The following ATRNL1 variants were observed in gnomAD, a reference collection of about 807,000 sequenced individuals.
ATRNL1 encodes the protein attractin like 1.
ATRNL1 carries 95 observed loss-of-function variants against 182.7 expected under a neutral mutation model. The ratio of observed to expected loss-of-function variants is 0.52; its 90% confidence interval spans 0.44 to 0.62. The LOEUF is 0.62. Ranked by LOEUF, ATRNL1 falls within the 20% of genes least tolerant of loss-of-function variation. The probability of loss-of-function intolerance (pLI) is 0.00; values close to 1 mark genes in which losing one functional copy is unlikely to be tolerated. For missense variants in ATRNL1, 1,471 were observed against 1,679.5 expected (o/e 0.88, Z 2.17); for synonymous variants, 576 against 568.3 (o/e 1.01, Z -0.19).
At chr10:115,432,457 G>A (rs1221558061) in intron 21 of ATRNL1, among the ~76,000 whole-genome samples, 1 of 152,020 alleles carries the variant, frequency 6.6e-6, no homozygotes, top group African/African-American at 2.4e-5. Flanking sequence ...AAGAAGTGAT[G>A]CTTAAAAAAG....
chr10:115,643,159 T>C (rs1010758845), intron 26 of ATRNL1, among the ~76,000 whole-genome samples: 29 of 152,286 alleles, frequency 1.9e-4, no homozygotes, highest in African/African-American at 6.3e-4. Flanking sequence ...CAATAAAACA[T>C]AAATATACCC....
chr10:115,096,831 C>G (rs1400367405), intron 1 of ATRNL1: 1 of 1,141,490 alleles, frequency 8.8e-7, no homozygotes, highest in Non-Finnish European at 1.1e-6. Context: ...CCATTCCTTC[C>G]TTACACAGGT....
At chr10:115,233,321 TTTTAA>T (rs1331264613) in intron 9 of ATRNL1, among the ~76,000 whole-genome samples, 3 of 152,156 alleles carry the variant, frequency 2.0e-5, no homozygotes, top group Admixed American at 2.0e-4. Flanking sequence ...GTACAATATC[TTTTAA>T]TTTCTTTTTC....
chr10:115,142,254 A>C (rs1358930734), intron 5 of ATRNL1, among the ~76,000 whole-genome samples: 1 of 152,212 alleles, frequency 6.6e-6, no homozygotes, highest in Non-Finnish European at 1.5e-5. Context: ...GTGAGAAAAG[A>C]CTTTAAGCAA....
At chr10:115,923,813 C>T (rs1953138606) in intron 28 of ATRNL1, among the ~76,000 whole-genome samples, 1 of 152,142 alleles carries the variant, frequency 6.6e-6, no homozygotes, top group Non-Finnish European at 1.5e-5. Context: ...GGTTCTAGAT[C>T]CTTGAGGAAT....
intron 27 of ATRNL1, among the ~76,000 whole-genome samples, chr10:115,761,880 A>G (rs1948741005): frequency 6.6e-6 from 1 of 152,198 alleles, no homozygotes; most frequent in Admixed American, 6.5e-5. Context: ...GATACTACCC[A>G]AAACAAAGTC....
intron 21 of ATRNL1, among the ~76,000 whole-genome samples, chr10:115,431,806 C>G (rs1409270682): frequency 2.6e-5 from 4 of 151,966 alleles, no homozygotes; most frequent in Non-Finnish European, 5.9e-5. Flanking sequence ...TTTCTTATTT[C>G]AAATATCCTG....
chr10:115,713,513 G>C (rs1555055268), intron 26 of ATRNL1, among the ~76,000 whole-genome samples: 1 of 151,412 alleles, frequency 6.6e-6, no homozygotes, highest in African/African-American at 2.4e-5. Flanking sequence ...AATTGAGGTG[G>C]TCAGGGAAGA....
intron 26 of ATRNL1, among the ~76,000 whole-genome samples, chr10:115,678,311 C>G (rs1945932880): frequency 6.6e-6 from 1 of 151,940 alleles, no homozygotes; most frequent in East Asian, 1.9e-4. Context: ...TATGATTTAA[C>G]TAATATAAGT....
At chr10:115,600,005 C>A (rs1329586549) in intron 26 of ATRNL1, among the ~76,000 whole-genome samples, 3 of 152,110 alleles carry the variant, frequency 2.0e-5, no homozygotes, top group African/African-American at 7.2e-5. Flanking sequence ...CCACCCCAGG[C>A]AACCATGCGT....
intron 27 of ATRNL1, among the ~76,000 whole-genome samples, chr10:115,730,720 A>G (rs1299740326): frequency 2.0e-5 from 3 of 152,162 alleles, no homozygotes; most frequent in Non-Finnish European, 2.9e-5. Context: ...GATGAGCCCT[A>G]TAATTACCCT....
In ATRNL1 at chr10:115,551,485, G is replaced by T. The variant is rs77846791; in HGVS notation, c.3795+1949G>T. On this transcript the variant is annotated intron_variant, in intron 26 of 28. Coordinates refer to ENST00000355044, the MANE Select transcript of ATRNL1 (RefSeq NM_207303.4). ...ATTATTAATATTACTGTGTTCTCTG[G>T]AAATTCCTTTAATATAATGCCCTTC... is the stretch of plus-strand genomic sequence containing the variant. Among the ~76,000 whole-genome samples the T allele has an allele frequency of 9.1e-3, 1,377 of 151,416 alleles. 16 individuals carry two copies. The highest frequency in any genetic ancestry group is 0.03 in the African/African-American group (1,261 of 41,446).
chr10:115,435,942 T>C (rs1554964727), intron 21 of ATRNL1, among the ~76,000 whole-genome samples: 1 of 152,188 alleles, frequency 6.6e-6, no homozygotes. Context: ...TGTTTAATGG[T>C]AGTAGACTCA....
chr10:115,677,580 G>A lies in ATRNL1; in HGVS notation c.3796-49668G>A, dbSNP rs1382848969. ...GGGTTTATCAGGGGTTTCTGCTTTT[G>A]CTTCTTCCTCATTTTTCTTTTGCTG... On this transcript the variant is annotated intron_variant, in intron 26 of 28. Transcript: ENST00000355044. Among the ~76,000 whole-genome samples, 9 of 151,990 alleles carry A rather than the reference G, an allele frequency of 5.9e-5. No homozygotes were observed. In the East Asian group the frequency reaches 1.7e-3, roughly 29 times the overall value.
intron 8 of ATRNL1, among the ~76,000 whole-genome samples, chr10:115,193,710 C>T (rs189683031): frequency 3.0e-3 from 455 of 151,638 alleles, no homozygotes; most frequent in African/African-American, 0.01. Flanking sequence ...AATTTCTGCT[C>T]TGATCTTTAT....
At chr10:115,106,128 G>C (rs554593142) in intron 1 of ATRNL1, among the ~76,000 whole-genome samples, 1 of 152,320 alleles carries the variant, frequency 6.6e-6, no homozygotes, top group Admixed American at 6.5e-5. Context: ...CAAGACCATG[G>C]GAACCCACCT....
At position 115,334,426 on chromosome 10, in the gene ATRNL1, T is replaced by C; in HGVS notation, c.3175+7T>C. The C allele has an allele frequency of 6.6e-7, 1 of 1,517,616 alleles. No homozygotes were observed. Among genetic ancestry groups the C allele is most frequent in the Non-Finnish European group, 8.9e-7 (1 of 1,123,716 alleles). The allele number at this position is 1,517,616 out of a possible 1,614,324, so 94.0% of individuals were successfully genotyped here. ...AATGGTGGACAGTGCACAGGTAAGT[T>C]TCTTTTAAGCAAATTTTGGTGTATT... is the stretch of plus-strand genomic sequence containing the variant. On this transcript the variant is annotated splice_region_variant and intron_variant, in intron 19 of 28. Transcript: ENST00000355044.
intron 24 of ATRNL1, among the ~76,000 whole-genome samples, chr10:115,472,130 G>T (rs1031521545): frequency 1.3e-5 from 2 of 150,786 alleles, no homozygotes; most frequent in South Asian, 4.2e-4. Context: ...ATTTATTCCT[G>T]GCACTGAGTC....
chr10:115,709,067 CT>C (rs531843653), intron 26 of ATRNL1, among the ~76,000 whole-genome samples: 1 of 151,904 alleles, frequency 6.6e-6, no homozygotes, highest in South Asian at 2.1e-4. Context: ...ATATTCATTA[CT>C]TTTTTATTCC....
Sources: allele counts gnomAD v4.1 joint callset (sites outside exome capture counted in the v4.1 genomes callset), GRCh38; gene constraint gnomAD v4.1.1; transcripts MANE v1.5; gene names NCBI Gene and HGNC (gene_info 2026-07-23, HGNC 2026-07-21).